TOX2: variants seen among roughly 807,000 people sequenced by gnomAD.
The protein encoded by TOX2 is granulosa cell HMG box 1.
TOX2 carries 15 observed loss-of-function variants against 47.4 expected under a neutral mutation model. The ratio of observed to expected loss-of-function variants is 0.32; its 90% CI spans 0.21 to 0.49. TOX2 has a LOEUF of 0.49. Among genes scored for constraint, TOX2 ranks in the 20% least tolerant of loss-of-function variants. The probability of loss-of-function intolerance (pLI) is 0.99; values close to 1 mark genes in which losing one functional copy is unlikely to be tolerated. For synonymous variants in TOX2, 290 were observed against 296.6 expected, an observed-to-expected ratio of 0.98 and a Z score of 0.23; for missense variants, 622 against 673.1, an observed-to-expected ratio of 0.92 and a Z score of 0.84.
intron 2 of TOX2, among the ~76,000 whole-genome samples, chr20:44,000,720 T>C (rs144053753): frequency 2.0e-5 from 3 of 151,934 alleles, no homozygotes; most frequent in East Asian, 1.9e-4. Context: ...TCATCATCAA[T>C]AGATTAAGGA....
At chr20:44,020,466 TTAAAAA>T (rs563002544) in intron 3 of TOX2, among the ~76,000 whole-genome samples, 55 of 152,054 alleles carry the variant, frequency 3.6e-4, no homozygotes, top group South Asian at 8.3e-4. Context: ...TAAAGTAAAA[TTAAAAA>T]TAAAAATAAA....
chr20:43,964,698 C>T (rs1006945319), intron 1 of TOX2, among the ~76,000 whole-genome samples: 3 of 152,148 alleles, frequency 2.0e-5, no homozygotes, highest in African/African-American at 4.8e-5. Context: ...GGACAAGTTC[C>T]CAACCACTCT....
At chr20:43,936,228 T>C (rs138811852) in intron 1 of TOX2, among the ~76,000 whole-genome samples, 1 of 152,250 alleles carries the variant, frequency 6.6e-6, no homozygotes, top group Non-Finnish European at 1.5e-5. Flanking sequence ...AAACTCAGGG[T>C]CTGAACTTTC....
At chr20:43,962,119 G>A (rs1355029556) in intron 1 of TOX2, among the ~76,000 whole-genome samples, 1 of 152,252 alleles carries the variant, frequency 6.6e-6, no homozygotes, top group Non-Finnish European at 1.5e-5. Context: ...GCTTTAAATG[G>A]AGCTGAGAGA....
intron 1 of TOX2, among the ~76,000 whole-genome samples, chr20:43,951,391 A>C (rs1055198023): frequency 6.6e-6 from 1 of 152,108 alleles, no homozygotes; most frequent in Non-Finnish European, 1.5e-5. Flanking sequence ...CCTGGCTAAC[A>C]TGGTGAAACC....
In TOX2 at chr20:44,006,652, A is replaced by G. The variant is rs1315869959; in HGVS notation, c.271A>G (p.Ser91Gly). 1 of 1,614,020 alleles carries G rather than the reference A, an allele frequency of 6.2e-7. No homozygotes were observed. The highest frequency in any genetic ancestry group is 8.5e-7 in the Non-Finnish European group (1 of 1,179,972). The change falls in exon 3 of 9, where the codon AGC (serine) becomes GGC (glycine). Residue 91 changes from serine (S) to glycine (G), a missense_variant. By Grantham distance (56) the Ser-to-Gly change is moderately conservative. This residue lies in a region of TOX2 where 307 missense variants were observed against 327.3 expected (regional missense o/e 0.94). Coordinates refer to ENST00000341197, the MANE Select transcript of TOX2 (RefSeq NM_001098797.2). ...SLLHLGDHEA[S>G]YHSLCHGLTP... ...CCTGCACCTGGGGGACCACGAAGCCAGCTACCACTCGCTGTGCCACGGCCT... is the reference window on the plus strand; with the variant it reads ...CCTGCACCTGGGGGACCACGAAGCCGGCTACCACTCGCTGTGCCACGGCCT...
intron 1 of TOX2, among the ~76,000 whole-genome samples, chr20:43,921,907 G>T (rs541924326): frequency 1.3e-5 from 2 of 152,188 alleles, no homozygotes; most frequent in Admixed American, 1.3e-4. Context: ...GGTTGAAGGA[G>T]CCTCTTATTG....
chr20:44,065,665 C>T (rs1387402740), intron 6 of TOX2, 47 bp from the exon 7 acceptor site: 5 of 1,534,750 alleles, frequency 3.3e-6, no homozygotes, highest in South Asian at 1.3e-5. Flanking sequence ...CATGTTCTGG[C>T]TCATCCCTCT....
intron 3 of TOX2, among the ~76,000 whole-genome samples, chr20:44,009,646 G>T (rs181183539): frequency 1.6e-4 from 24 of 152,158 alleles, no homozygotes; most frequent in Non-Finnish European, 2.9e-5. Flanking sequence ...CATGCTTAGC[G>T]TTTCAGTAAT....
chr20:44,048,388 T>A (rs373212044), intron 3 of TOX2, among the ~76,000 whole-genome samples: 167 of 86,754 alleles, frequency 1.9e-3, no homozygotes, highest in African/African-American at 6.6e-3. Flanking sequence ...TAAAATGAAT[T>A]TATATATATA....
Position 43,969,689 on chromosome 20 carries a change from G to A in TOX2, c.100-3678G>A, listed in dbSNP as rs557506808. Among the ~76,000 whole-genome samples, 59 of 152,318 alleles carry A rather than the reference G, an allele frequency of 3.9e-4. 1 individual carries two copies. The highest frequency in any genetic ancestry group is 7.9e-4 in the Non-Finnish European group (54 of 68,024). On this transcript the variant is annotated intron_variant, in intron 1 of 8. Transcript: ENST00000341197. ...CAGGGCCTCTGCTCACTGCTGCTCC[G>A]CAGCTGGTTCTGAGCCCAGCAGGCT...
intron 1 of TOX2, among the ~76,000 whole-genome samples, chr20:43,922,523 G>T (rs1456349059): frequency 2.0e-5 from 3 of 152,172 alleles, no homozygotes; most frequent in Admixed American, 2.0e-4. Flanking sequence ...TATCCACAGG[G>T]TTGACAGTCA....
chr20:43,924,072 A>AG (rs907185365), intron 1 of TOX2, among the ~76,000 whole-genome samples: 1 of 152,188 alleles, frequency 6.6e-6, no homozygotes, highest in African/African-American at 2.4e-5. Context: ...ACTGCAGTAG[A>AG]GGGCAGTCCC....
rs565336946 is a variant in TOX2 at position 43,955,177 on chromosome 20, G to A, written c.100-18190G>A. The stretch of plus-strand genomic sequence containing the variant: ...TGCCTGAGGCTCCACTGAAGCTATG[G>A]CATAATTTGCAGAATTTGCACTTCA... On this transcript the variant is annotated intron_variant, in intron 1 of 8. Coordinates refer to ENST00000341197, the MANE Select transcript of TOX2 (RefSeq NM_001098797.2). 22 of 933,982 alleles carry A rather than the reference G, an allele frequency of 2.4e-5. No homozygotes were observed. In the African/African-American group the frequency reaches 3.9e-4, roughly 17 times the overall value. The allele number at this position is 933,982 out of a possible 1,614,324, so 57.9% of individuals were successfully genotyped here.
intron 3 of TOX2, among the ~76,000 whole-genome samples, chr20:44,015,926 G>A (rs1484921853): frequency 6.6e-6 from 1 of 152,120 alleles, no homozygotes; most frequent in Non-Finnish European, 1.5e-5. Context: ...TTAAAACTCA[G>A]GCCAGTGATA....
chr20:43,939,085 C>G (rs2069367663), intron 1 of TOX2, among the ~76,000 whole-genome samples: 2 of 152,156 alleles, frequency 1.3e-5, no homozygotes, highest in Admixed American at 1.3e-4. Flanking sequence ...TGGGTAACCC[C>G]CTTGTCTCTT....
At chr20:44,048,393 T>TATATATATATATATATATATATATATATA (rs2071450486) in intron 3 of TOX2, among the ~76,000 whole-genome samples, 1 of 125,944 alleles carries the variant, frequency 7.9e-6, no homozygotes, top group Non-Finnish European at 1.7e-5. Flanking sequence ...TGAATTTATA[T>TATATATATATATATATATATATATATATA]ATATATATAT....
intron 1 of TOX2, among the ~76,000 whole-genome samples, chr20:43,970,634 T>A (rs963259134): frequency 2.6e-5 from 4 of 152,266 alleles, no homozygotes; most frequent in African/African-American, 9.6e-5. Flanking sequence ...ATGTGATTTT[T>A]AAAAAATTTT....
rs2069038401 is a variant in TOX2, at chr20:43,914,897, C to T, written c.6C>T (p.Asp2=). Residue 2 remains aspartate (D), a synonymous_variant, in exon 1 of 9, where the codon GAC becomes GAT. Transcript: ENST00000341197. This position sits in a 1 kb window ranked among gnomAD's most constrained non-coding sequence, Gnocchi z 4.5. ...CCGCCGCCGCCGCGCCCGCCATGGA[C>T]GTCCGCCTGTACCCCTCGGCGCCCG... is the stretch of plus-strand genomic sequence containing the variant. M[D]VRLYPSAPAV... 8.3e-6 allele frequency: 9 copies of T among 1,080,050 alleles called. No homozygotes were observed. The highest frequency in any genetic ancestry group is 1.2e-4 in the East Asian group (2 of 16,872). The allele number at this position is 1,080,050 out of a possible 1,614,324, so 66.9% of individuals were successfully genotyped here.
Sources: gnomAD v4.1 joint callset for allele counts (sites outside exome capture counted in the v4.1 genomes callset) on GRCh38, gnomAD v4.1.1 for gene constraint, gnomAD v4.1.1 regional missense constraint, Gnocchi (gnomAD v3.1) non-coding constraint, MANE v1.5 for transcripts, NCBI Gene and HGNC (gene_info 2026-07-23, HGNC 2026-07-21) for gene names.